CTNND2: variants seen among roughly 807,000 people sequenced by gnomAD.
The protein encoded by CTNND2 is catenin delta-2.
A neutral mutation model predicts 144.4 loss-of-function variants in CTNND2; 22 were observed. That is an observed-to-expected ratio of 0.15 (90% CI 0.11 to 0.22). CTNND2 has a LOEUF of 0.22. Among genes scored for constraint, CTNND2 ranks in the 10% least tolerant of loss-of-function variants. CTNND2 has a pLI of 1.00. For missense variants in CTNND2, 1,353 were observed against 1,618.8 expected (o/e 0.84, Z 2.82); for synonymous variants, 751 against 695.6 (o/e 1.08, Z -1.25).
At chr5:11,512,350 C>G (rs143586949) in intron 3 of CTNND2, among the ~76,000 whole-genome samples, 1 of 152,344 alleles carries the variant, frequency 6.6e-6, no homozygotes, top group Non-Finnish European at 1.5e-5. Context: ...TGCTGGAATT[C>G]TCCTAAATCT....
At chr5:11,351,732 A>G (rs1755359226) in intron 8 of CTNND2, among the ~76,000 whole-genome samples, 1 of 152,182 alleles carries the variant, frequency 6.6e-6, no homozygotes, top group Non-Finnish European at 1.5e-5. Context: ...GAGGAAGAAA[A>G]AAAGCACTAC....
rs144031160 is a variant in CTNND2 at position 11,267,694 on chromosome 5, A to G, written c.1629-30871T>C. ...GAAACCTGTCCTGATAATAACCAGA[A>G]TTGTCTGATATAAAGGAAAATCTTC... is the stretch of plus-strand genomic sequence containing the variant. On this transcript the variant is annotated intron_variant, in intron 9 of 21. Coordinates refer to ENST00000304623, the MANE Select transcript of CTNND2 (RefSeq NM_001332.4). Among the ~76,000 whole-genome samples, 10 of 152,316 alleles carry G rather than the reference A, an allele frequency of 6.6e-5. No individual in the cohort carries two copies. In the East Asian group the frequency reaches 1.9e-3, roughly 29 times the overall value.
At chr5:11,782,100 C>T (rs1447913956) in intron 1 of CTNND2, among the ~76,000 whole-genome samples, 1 of 152,086 alleles carries the variant, frequency 6.6e-6, no homozygotes, top group African/African-American at 2.4e-5. Flanking sequence ...AGGGCAGTTC[C>T]CCTGCACACA....
chr5:11,305,077 C>T (rs985907014), intron 9 of CTNND2, among the ~76,000 whole-genome samples: 65 of 152,228 alleles, frequency 4.3e-4, no homozygotes, highest in African/African-American at 1.5e-3. Flanking sequence ...ACTCTCACTG[C>T]CTTGCTCCCT....
intron 10 of CTNND2, among the ~76,000 whole-genome samples, chr5:11,222,003 G>C (rs573020907): frequency 4.6e-5 from 7 of 152,188 alleles, no homozygotes; most frequent in African/African-American, 1.4e-4. Context: ...TCTAAACGAT[G>C]ACATATCAGA....
At chr5:11,272,734 T>C (rs112069269) in intron 9 of CTNND2, among the ~76,000 whole-genome samples, 1 of 152,264 alleles carries the variant, frequency 6.6e-6, no homozygotes, top group Non-Finnish European at 1.5e-5. Context: ...TTTGCACTAC[T>C]TAGACTCAAG....
chr5:11,655,326 T>C (rs1782856001), intron 2 of CTNND2, among the ~76,000 whole-genome samples: 1 of 152,002 alleles, frequency 6.6e-6, no homozygotes, highest in African/African-American at 2.4e-5. Context: ...GGTTCTTATA[T>C]TAAGTCAGTT....
intron 1 of CTNND2, among the ~76,000 whole-genome samples, chr5:11,747,570 C>T (rs975621417): frequency 8.5e-5 from 13 of 152,136 alleles, no homozygotes; most frequent in African/African-American, 2.9e-4. Flanking sequence ...CTGTGCAAGA[C>T]ACTGAATAAA....
At chr5:11,388,160 A>G (rs1459834851) in intron 6 of CTNND2, among the ~76,000 whole-genome samples, 1 of 152,232 alleles carries the variant, frequency 6.6e-6, no homozygotes, top group Non-Finnish European at 1.5e-5. Context: ...ATAAAATTTT[A>G]TATACTGTTT....
intron 11 of CTNND2, among the ~76,000 whole-genome samples, chr5:11,181,750 ATGTG>A (rs1334835031): frequency 5.2e-5 from 4 of 77,382 alleles, no homozygotes; most frequent in African/African-American, 2.1e-4. Context: ...GTGTGTGTGG[ATGTG>A]TGTATGTGTG....
chr5:11,706,023 G>C (rs555812428), intron 2 of CTNND2, among the ~76,000 whole-genome samples: 102 of 152,178 alleles, frequency 6.7e-4, no homozygotes, highest in Non-Finnish European at 9.4e-4. Context: ...AAGGACCACA[G>C]GTAGCCTCTA....
At chr5:11,513,692 T>TAA (rs374374416) in intron 3 of CTNND2, among the ~76,000 whole-genome samples, 1 of 149,816 alleles carries the variant, frequency 6.7e-6, no homozygotes, top group Non-Finnish European at 1.5e-5. Context: ...GTGCGGCTGT[T>TAA]AAAAAAAAAA....
intron 3 of CTNND2, among the ~76,000 whole-genome samples, chr5:11,483,085 T>C (rs1461861555): frequency 2.6e-5 from 4 of 152,196 alleles, no homozygotes; most frequent in South Asian, 4.2e-4. Flanking sequence ...ATTTTGCTCC[T>C]ATCAAAGGCA....
intron 2 of CTNND2, among the ~76,000 whole-genome samples, chr5:11,588,463 T>G (rs1028864735): frequency 2.0e-5 from 3 of 152,214 alleles, no homozygotes; most frequent in African/African-American, 7.2e-5. Context: ...AAACAATAAT[T>G]AAATGGTTAT....
chr5:11,344,613 T>C (rs977550251), intron 9 of CTNND2, among the ~76,000 whole-genome samples: 2 of 152,152 alleles, frequency 1.3e-5, no homozygotes, highest in African/African-American at 4.8e-5. Context: ...GATGAACTTA[T>C]AATTCATATA....
chr5:11,090,784 C>T (rs1366372915), intron 15 of CTNND2, among the ~76,000 whole-genome samples: 1 of 150,812 alleles, frequency 6.6e-6, no homozygotes, highest in Non-Finnish European at 1.5e-5. Context: ...TGATTGAGCC[C>T]AGTAAGTTCA....
intron 9 of CTNND2, among the ~76,000 whole-genome samples, chr5:11,336,530 A>G (rs116411502): frequency 8.6e-4 from 131 of 152,366 alleles, no homozygotes; most frequent in Non-Finnish European, 1.5e-3. Context: ...GAGAAGACAG[A>G]AAATCAACAC....
At chr5:11,227,510 GAGA>G in intron 10 of CTNND2, among the ~76,000 whole-genome samples, 1 of 152,328 alleles carries the variant, frequency 6.6e-6, no homozygotes. Context: ...ATGAAAGAAA[GAGA>G]AGAAATGATT....
intron 9 of CTNND2, among the ~76,000 whole-genome samples, chr5:11,257,353 C>T (rs1744365389): frequency 6.6e-6 from 1 of 152,146 alleles, no homozygotes; most frequent in Non-Finnish European, 1.5e-5. Context: ...CATCACCATG[C>T]ACCAATTTAC....
Sources: allele counts gnomAD v4.1 joint callset (sites outside exome capture counted in the v4.1 genomes callset), GRCh38; gene constraint gnomAD v4.1.1; transcripts MANE v1.5; gene names NCBI Gene and HGNC (gene_info 2026-07-23, HGNC 2026-07-21).